Variants in OSBPL1A observed in about 807,000 individuals in gnomAD.
OSBPL1A encodes the protein oxysterol binding protein like 1A, also known as oxysterol-binding protein-related protein 1.
A neutral mutation model predicts 137.1 loss-of-function variants in OSBPL1A; 80 were observed. That is an observed-to-expected ratio of 0.58 (90% CI 0.49 to 0.70). The LOEUF is 0.70. OSBPL1A is among the 30% of genes least tolerant of loss of function. The pLI, the probability that OSBPL1A is intolerant of heterozygous loss-of-function variation, is 0.00. For missense variants in OSBPL1A, 970 were observed against 1,129.4 expected (o/e 0.86, Z 2.02); for synonymous variants, 365 against 389.7 (o/e 0.94, Z 0.75).
chr18:24,326,727 T>C (rs2090987175), intron 7 of OSBPL1A, among the ~76,000 whole-genome samples: 2 of 152,238 alleles, frequency 1.3e-5, no homozygotes, highest in Non-Finnish European at 1.5e-5. Context: ...GATGACTGTG[T>C]ATTCGTCTGT....
At chr18:24,220,538 A>G (rs924490873) in intron 17 of OSBPL1A, among the ~76,000 whole-genome samples, 1 of 152,142 alleles carries the variant, frequency 6.6e-6, no homozygotes, top group African/African-American at 2.4e-5. Flanking sequence ...AGCCCTCACC[A>G]CAAATCTGGC....
At chr18:24,357,672 CAGG>C (rs1288456012) in intron 4 of OSBPL1A, 1 of 152,020 alleles carries the variant, frequency 6.6e-6, no homozygotes, top group Non-Finnish European at 1.5e-5. Flanking sequence ...CTAACAGAAC[CAGG>C]AGAAGAGGCT....
intron 22 of OSBPL1A, 47 bp downstream of exon 22, chr18:24,172,329 G>T: frequency 1.4e-6 from 2 of 1,391,488 alleles, no homozygotes; most frequent in Non-Finnish European, 2.0e-6. Context: ...CACTAAAACT[G>T]CTTGATGAAA....
chr18:24,355,288 G>T (rs1012112575), intron 4 of OSBPL1A, among the ~76,000 whole-genome samples: 2 of 151,500 alleles, frequency 1.3e-5, no homozygotes, highest in Non-Finnish European at 2.9e-5. Flanking sequence ...AGGATCATGA[G>T]GTCAGGAGTT....
rs1415140394 is a variant in OSBPL1A at position 24,178,002 on chromosome 18, T to A, written c.2093+11A>T. On this transcript the variant is annotated intron_variant, in intron 21 of 27. Transcript: ENST00000319481. ...ACATGAAAAGAGTGTAATGGCTTGATCAGAACTCACTCAAGGAGCTCCAAG... is the reference window on the plus strand; with the variant it reads ...ACATGAAAAGAGTGTAATGGCTTGAACAGAACTCACTCAAGGAGCTCCAAG... 6 of 1,610,642 alleles carry A rather than the reference T, an allele frequency of 3.7e-6. No individual in the cohort carries two copies. The South Asian group carries it at 5.5e-5, about 15-fold the overall frequency.
At chr18:24,348,097 C>G (rs1239392413) in intron 4 of OSBPL1A, among the ~76,000 whole-genome samples, 1 of 152,046 alleles carries the variant, frequency 6.6e-6, no homozygotes, top group Non-Finnish European at 1.5e-5. Flanking sequence ...ATCCAATGCC[C>G]ATATGTGTGG....
chr18:24,309,050 C>T (rs1033950402), intron 13 of OSBPL1A, among the ~76,000 whole-genome samples: 5 of 152,122 alleles, frequency 3.3e-5, no homozygotes, highest in Non-Finnish European at 5.9e-5. Context: ...GGATTACAGG[C>T]GTAAGCCACC....
Position 24,318,317 on chromosome 18 carries a change from G to A in OSBPL1A, c.732+284C>T, listed in dbSNP as rs143631888. On this transcript the variant is annotated intron_variant, in intron 9 of 27. Coordinates refer to ENST00000319481, the MANE Select transcript of OSBPL1A (RefSeq NM_080597.4). ...AAATTAGCCAGGCACGGTGGCGGGC[G>A]CCTATAATCCCAGCTACTTGGAAGA... 5.4e-3 allele frequency among the ~76,000 whole-genome samples: 817 copies of A among 152,014 alleles called. 12 individuals are homozygous for A. Among genetic ancestry groups the A allele is most frequent in the African/African-American group, 0.018 (737 of 41,432 alleles).
At position 24,310,972 on chromosome 18, in the gene OSBPL1A, G is replaced by C. The variant is rs572013495; in HGVS notation, c.1092+1012C>G. ...AGATGTTACCTTTGCAAAGTTCACT[G>C]ATCTGAAAATTTTGTTTATGGTTCT... On this transcript the variant is annotated intron_variant, in intron 13 of 27. Transcript: ENST00000319481. Among the ~76,000 whole-genome samples the C allele has an allele frequency of 2.6e-5, 4 of 152,184 alleles. No homozygotes were observed. In the South Asian group the frequency reaches 8.3e-4, roughly 32 times the overall value.
intron 16 of OSBPL1A, among the ~76,000 whole-genome samples, chr18:24,235,217 C>G (rs1235214989): frequency 6.6e-6 from 1 of 152,192 alleles, no homozygotes; most frequent in Non-Finnish European, 1.5e-5. Context: ...GCACCAAGAT[C>G]AGTTAAGAGG....
intron 15 of OSBPL1A, among the ~76,000 whole-genome samples, chr18:24,239,925 C>CTTTTTTTTTT (rs10699940): frequency 2.4e-5 from 3 of 125,618 alleles, no homozygotes; most frequent in Non-Finnish European, 3.2e-5. Flanking sequence ...TCATTTTTCT[C>CTTTTTTTTTT]TTTTTTTTTT....
chr18:24,314,620 G>T (rs1055652147), intron 11 of OSBPL1A, among the ~76,000 whole-genome samples: 9 of 152,066 alleles, frequency 5.9e-5, no homozygotes, highest in Admixed American at 1.3e-4. Context: ...CTTTTCTTAA[G>T]TATAACTTAA....
intron 20 of OSBPL1A, chr18:24,179,327 T>C (rs1026838315): frequency 6.0e-6 from 1 of 167,112 alleles, no homozygotes; most frequent in Admixed American, 5.9e-5. Context: ...TTTTAGGAGA[T>C]ATACCTGAGG....
chr18:24,242,113 C>T (rs2146013669), intron 15 of OSBPL1A, among the ~76,000 whole-genome samples: 1 of 144,108 alleles, frequency 6.9e-6, no homozygotes. Flanking sequence ...ACATCACACA[C>T]TGGGGCCTGT....
At chr18:24,332,833 C>T (rs1415270946) in intron 7 of OSBPL1A, 109 bp downstream of exon 7, 1 of 1,317,076 alleles carries the variant, frequency 7.6e-7, no homozygotes, top group African/African-American at 1.5e-5. Context: ...TAAATAGAAA[C>T]CATACAGTTT....
chr18:24,176,877 C>T (rs2086462414), intron 21 of OSBPL1A, among the ~76,000 whole-genome samples: 1 of 152,084 alleles, frequency 6.6e-6, no homozygotes, highest in Non-Finnish European at 1.5e-5. Flanking sequence ...AATGCAGCTT[C>T]AGGGGACCCC....
chr18:24,336,797 C>G (rs191432672), intron 5 of OSBPL1A, among the ~76,000 whole-genome samples: 8 of 152,244 alleles, frequency 5.3e-5, no homozygotes, highest in African/African-American at 1.9e-4. Flanking sequence ...AGGAGAGCAC[C>G]TGGAAAATAT....
intron 1 of OSBPL1A, 87 bp from the exon 2 acceptor site, chr18:24,377,622 A>T: frequency 7.5e-7 from 1 of 1,337,110 alleles, no homozygotes; most frequent in Non-Finnish European, 1.0e-6. Flanking sequence ...AGGGGAAAGA[A>T]TCCTCATTTT....
intron 7 of OSBPL1A, among the ~76,000 whole-genome samples, chr18:24,320,340 G>A (rs776957120): frequency 3.9e-5 from 6 of 152,062 alleles, no homozygotes; most frequent in East Asian, 1.9e-4. Context: ...AATGAACCAC[G>A]GTACGCCCAG....
Sources: allele counts gnomAD v4.1 joint callset (sites outside exome capture counted in the v4.1 genomes callset), GRCh38; gene constraint gnomAD v4.1.1; transcripts MANE v1.5; gene names NCBI Gene and HGNC (gene_info 2026-07-23, HGNC 2026-07-21).